The following PTPRD variants were observed in gnomAD, a reference collection of about 807,000 sequenced individuals.
The protein encoded by PTPRD is receptor-type tyrosine-protein phosphatase delta.
A neutral mutation model predicts 214.5 loss-of-function variants in PTPRD; 34 were observed. That is an observed-to-expected ratio of 0.16 (90% confidence interval 0.12 to 0.21). The LOEUF (loss-of-function observed/expected upper bound fraction) is 0.21, where lower values mean the gene tolerates loss of function less well. PTPRD is among the 10% of genes least tolerant of loss of function. PTPRD has a pLI of 1.00. For synonymous variants in PTPRD, 1,128 were observed against 845.7 expected, an observed-to-expected ratio of 1.33 and a Z score of -5.79; for missense variants, 2,545 against 2,398.7, an observed-to-expected ratio of 1.06 and a Z score of -1.27.
intron 10 of PTPRD, among the ~76,000 whole-genome samples, chr9:9,046,890 T>C (rs1276975844): frequency 6.6e-6 from 1 of 152,118 alleles, no homozygotes; most frequent in Non-Finnish European, 1.5e-5. Context: ...CCACTGTTAC[T>C]CAACATAGCA....
intron 3 of PTPRD, among the ~76,000 whole-genome samples, chr9:10,073,638 T>G (rs2098076992): frequency 6.6e-6 from 1 of 152,132 alleles, no homozygotes; most frequent in Non-Finnish European, 1.5e-5. Flanking sequence ...TCTAGTTCCT[T>G]TGCCTTTGAG....
chr9:9,086,939 T>C (rs2099767926), intron 10 of PTPRD, among the ~76,000 whole-genome samples: 1 of 152,046 alleles, frequency 6.6e-6, no homozygotes, highest in South Asian at 2.1e-4. Flanking sequence ...ACAGATGCCA[T>C]GGGGAAGAGA....
intron 7 of PTPRD, among the ~76,000 whole-genome samples, chr9:9,591,463 G>A (rs1267556834): frequency 6.6e-6 from 1 of 152,028 alleles, no homozygotes; most frequent in African/African-American, 2.4e-5. Context: ...TGTTGGCCTT[G>A]TGAGAATTTA....
chr9:10,052,635 T>C (rs565278486), intron 3 of PTPRD, among the ~76,000 whole-genome samples: 136 of 152,290 alleles, frequency 8.9e-4, no homozygotes, highest in African/African-American at 3.1e-3. Context: ...TTTTTACAGG[T>C]GTAAAACTAA....
At chr9:10,259,781 T>C (rs1271830110) in intron 3 of PTPRD, among the ~76,000 whole-genome samples, 1 of 152,202 alleles carries the variant, frequency 6.6e-6, no homozygotes, top group Non-Finnish European at 1.5e-5. Context: ...ATCTGCCTGG[T>C]TCCTGTTAGC....
At chr9:10,389,059 C>G (rs2097994094) in intron 2 of PTPRD, among the ~76,000 whole-genome samples, 1 of 151,744 alleles carries the variant, frequency 6.6e-6, no homozygotes, top group African/African-American at 2.4e-5. Context: ...ATGTTTATGT[C>G]AGAGAAATGG....
At chr9:8,358,238 G>A (rs1316687590) in intron 39 of PTPRD, among the ~76,000 whole-genome samples, 1 of 151,942 alleles carries the variant, frequency 6.6e-6, no homozygotes, top group African/African-American at 2.4e-5. Context: ...TTTGGCTCAT[G>A]GAATTAAAGA....
At chr9:9,325,525 T>C (rs1569567381) in intron 9 of PTPRD, among the ~76,000 whole-genome samples, 1 of 152,178 alleles carries the variant, frequency 6.6e-6, no homozygotes, top group Non-Finnish European at 1.5e-5. Flanking sequence ...ATGCTTGTTA[T>C]TTTTGCACAT....
At chr9:8,392,623 T>G (rs1301703465) in intron 36 of PTPRD, among the ~76,000 whole-genome samples, 5 of 152,204 alleles carry the variant, frequency 3.3e-5, no homozygotes, top group African/African-American at 1.2e-4. Context: ...CTTTATGTCC[T>G]GAAAATAATG....
At chr9:9,456,795 C>T (rs2093068622) in intron 8 of PTPRD, among the ~76,000 whole-genome samples, 1 of 151,736 alleles carries the variant, frequency 6.6e-6, no homozygotes, top group Non-Finnish European at 1.5e-5. Flanking sequence ...TTAAAAGTCA[C>T]CCAACTGGTA....
intron 7 of PTPRD, among the ~76,000 whole-genome samples, chr9:9,580,279 T>C (rs2090321383): frequency 6.6e-6 from 1 of 152,118 alleles, no homozygotes; most frequent in Non-Finnish European, 1.5e-5. Flanking sequence ...CTTTGAGAAA[T>C]CTCCATACTG....
chr9:10,552,351 C>T (rs552651842), intron 2 of PTPRD, among the ~76,000 whole-genome samples: 47 of 152,200 alleles, frequency 3.1e-4, no homozygotes, highest in African/African-American at 1.1e-3. Flanking sequence ...CTTTTGGATA[C>T]CTATTGCTCC....
chr9:8,858,855 A>G (rs2098028524), intron 11 of PTPRD, among the ~76,000 whole-genome samples: 1 of 151,372 alleles, frequency 6.6e-6, no homozygotes. Flanking sequence ...ACACAGACAC[A>G]CACACACCAG....
chr9:9,237,243 C>T (rs1296914822), intron 9 of PTPRD, among the ~76,000 whole-genome samples: 1 of 152,084 alleles, frequency 6.6e-6, no homozygotes, highest in African/African-American at 2.4e-5. Context: ...AGCATTCAGG[C>T]TGCAAATTAA....
rs149249413 is a variant in PTPRD at position 10,060,541 on chromosome 9, A to C, written c.-544-26751T>G. Among the ~76,000 whole-genome samples the C allele has an allele frequency of 1.5e-3, 229 of 152,160 alleles. 1 individual carries two copies. The Middle Eastern group carries it at 0.024, about 16-fold the overall frequency. On this transcript the variant is annotated intron_variant, in intron 3 of 45. Coordinates refer to ENST00000381196, the MANE Select transcript of PTPRD (RefSeq NM_002839.4). ...AGAGGGCACTATTGTAATCTCATGA[A>C]CATGACAGAAATGTGTCAAAGTATT...
chr9:10,172,372 TAAAG>T (rs2099214588), intron 3 of PTPRD, among the ~76,000 whole-genome samples: 2 of 152,190 alleles, frequency 1.3e-5, no homozygotes, highest in African/African-American at 4.8e-5. Flanking sequence ...TTGATCTTAT[TAAAG>T]ACAGTTAACA....
At chr9:9,359,591 A>T (rs1053661481) in intron 9 of PTPRD, among the ~76,000 whole-genome samples, 6 of 151,248 alleles carry the variant, frequency 4.0e-5, no homozygotes, top group Admixed American at 3.3e-4. Context: ...CTTGAAACCA[A>T]CTAAACCTAG....
At chr9:10,363,803 T>C (rs540142161) in intron 2 of PTPRD, among the ~76,000 whole-genome samples, 1 of 152,076 alleles carries the variant, frequency 6.6e-6, no homozygotes. Context: ...TTGATTCCAT[T>C]CATTTCACAC....
chr9:8,466,059 C>T (rs72692952), intron 31 of PTPRD, among the ~76,000 whole-genome samples: 1,558 of 151,982 alleles, frequency 0.01, 18 homozygotes, highest in African/African-American at 0.029. Flanking sequence ...TAAGTATTAA[C>T]CTCAGACAAA....
Sources: gnomAD v4.1 joint callset for allele counts (sites outside exome capture counted in the v4.1 genomes callset) on GRCh38, gnomAD v4.1.1 for gene constraint, MANE v1.5 for transcripts, NCBI Gene and HGNC (gene_info 2026-07-23, HGNC 2026-07-21) for gene names.